The following ATRX variants were observed in gnomAD, a reference collection of about 807,000 sequenced individuals.
ATRX encodes the protein ATRX chromatin remodeler.
ATRX carries 12 observed loss-of-function variants against 172.6 expected under a neutral mutation model. The ratio of observed to expected loss-of-function variants is 0.07; its 90% CI spans 0.04 to 0.11. The LOEUF (loss-of-function observed/expected upper bound fraction) is 0.11. ATRX is among the 10% of genes least tolerant of loss of function. The pLI is 1.00. For missense variants in ATRX, 1,368 were observed against 1,767.4 expected, an observed-to-expected ratio of 0.77 and a Z score of 4.05; for synonymous variants, 674 against 594.7, an observed-to-expected ratio of 1.13 and a Z score of -1.94.
chrX:77,532,795 G>T (rs782624621), intron 30 of ATRX, among the ~76,000 whole-genome samples: 47 of 112,052 alleles, frequency 4.2e-4, no homozygotes, highest in African/African-American at 1.5e-3. Context: ...TGACAAATGG[G>T]ATCTAATTAA....
At chrX:77,693,598 C>T (rs192870173) in intron 6 of ATRX, among the ~76,000 whole-genome samples, 1 of 111,769 alleles carries the variant, frequency 8.9e-6, no homozygotes, top group Non-Finnish European at 1.9e-5. Context: ...GGAAATGCTA[C>T]GCTTCTTGAG....
At chrX:77,656,520 A>G in intron 13 of ATRX, 40 bp downstream of exon 13, 1 of 1,046,623 alleles carries the variant, frequency 9.6e-7, no homozygotes, top group Non-Finnish European at 1.3e-6. Flanking sequence ...ATGGTCATTC[A>G]GATTAATTCC....
chrX:77,732,750 A>G (rs968062364), intron 1 of ATRX, among the ~76,000 whole-genome samples: 2 of 111,928 alleles, frequency 1.8e-5, no homozygotes, highest in African/African-American at 6.5e-5. Context: ...CCTCAAAAAA[A>G]TGGGTTTAGG....
intron 1 of ATRX, among the ~76,000 whole-genome samples, chrX:77,725,013 T>G (rs1032766274): frequency 3.6e-5 from 4 of 112,053 alleles, no homozygotes; most frequent in Non-Finnish European, 7.5e-5. Flanking sequence ...TATGCTAAAC[T>G]TTTTATTAAA....
At chrX:77,633,521 T>C in intron 18 of ATRX, 45 bp downstream of exon 18, 1 of 1,165,700 alleles carries the variant, frequency 8.6e-7, no homozygotes, top group Middle Eastern at 2.4e-4. Flanking sequence ...CTATATGAAT[T>C]TCATGTGACT....
intron 1 of ATRX, among the ~76,000 whole-genome samples, chrX:77,724,513 T>A (rs782107809): frequency 6.4e-5 from 7 of 109,070 alleles, no homozygotes; most frequent in Non-Finnish European, 1.3e-4. Context: ...ATTACAGGAG[T>A]GAGCTACCGT....
At chrX:77,676,449 GA>G (rs1270005805) in intron 9 of ATRX, 151 bp from the exon 10 acceptor site, 1 of 419,930 alleles carries the variant, frequency 2.4e-6, no homozygotes, top group African/African-American at 2.5e-5. Flanking sequence ...CATTCTTATA[GA>G]AAACATAACA....
At chrX:77,784,726 G>A (rs1026885154) in intron 1 of ATRX, among the ~76,000 whole-genome samples, 1 of 112,091 alleles carries the variant, frequency 8.9e-6, no homozygotes, top group African/African-American at 3.2e-5. Context: ...CCAAGGTAAA[G>A]AAAATATAAT....
chrX:77,635,837 A>G (rs2148356524), intron 16 of ATRX, 78 bp downstream of exon 16: 2 of 939,128 alleles, frequency 2.1e-6, no homozygotes, highest in Non-Finnish European at 3.0e-6. Context: ...ACTTAGCAGG[A>G]TGTGAGGCAG....
At chrX:77,764,479 C>T (rs1397801432) in intron 1 of ATRX, among the ~76,000 whole-genome samples, 19 of 112,143 alleles carry the variant, frequency 1.7e-4, no homozygotes, top group Non-Finnish European at 3.2e-4. Flanking sequence ...ATTCTACAGT[C>T]AACTTCTAAC....
At chrX:77,508,771 G>A in intron 34 of ATRX, 142 bp from the exon 35 acceptor site, 1 of 631,446 alleles carries the variant, frequency 1.6e-6, no homozygotes, top group Non-Finnish European at 2.6e-6. Flanking sequence ...CTAATGTGAT[G>A]GCATTCACAG....
At chrX:77,751,854 G>A (rs183221742) in intron 1 of ATRX, among the ~76,000 whole-genome samples, 4 of 111,282 alleles carry the variant, frequency 3.6e-5, no homozygotes, top group East Asian at 5.7e-4. Context: ...CTGAGGCCTC[G>A]GTTCTGTTCC....
intron 12 of ATRX, among the ~76,000 whole-genome samples, chrX:77,658,570 A>G (rs188641844): frequency 8.9e-6 from 1 of 112,634 alleles, no homozygotes; most frequent in Non-Finnish European, 1.9e-5. Flanking sequence ...CATTTTATGT[A>G]AAAAGTTTGA....
chrX:77,684,843 T>A, intron 8 of ATRX, 96 bp downstream of exon 8: 1 of 847,457 alleles, frequency 1.2e-6, no homozygotes, highest in Non-Finnish European at 1.8e-6. Context: ...AAGACATCAA[T>A]GACGATACTA....
At chrX:77,626,003 G>A (rs1268865697) in intron 19 of ATRX, among the ~76,000 whole-genome samples, 2 of 82,493 alleles carry the variant, frequency 2.4e-5, no homozygotes, top group Non-Finnish European at 4.5e-5. Flanking sequence ...GCCCATCAAT[G>A]AATGAGTGGA....
chrX:77,701,251 C>T (rs1236048726), intron 2 of ATRX, among the ~76,000 whole-genome samples: 3 of 111,437 alleles, frequency 2.7e-5, no homozygotes, highest in Middle Eastern at 4.6e-3. Flanking sequence ...GTGGCTCACA[C>T]CTGTAATCCT....
At chrX:77,729,741 C>G (rs782512983) in intron 1 of ATRX, among the ~76,000 whole-genome samples, 1 of 111,125 alleles carries the variant, frequency 9.0e-6, no homozygotes, top group Non-Finnish European at 1.9e-5. Context: ...TGGAGACCAG[C>G]CTGGGCAACA....
At chrX:77,519,628 T>C (rs2063162495) in intron 34 of ATRX, among the ~76,000 whole-genome samples, 1 of 111,524 alleles carries the variant, frequency 9.0e-6, no homozygotes, top group African/African-American at 3.3e-5. Context: ...CCAGTTAAAA[T>C]GGCCTTTATC....
chrX:77,504,957 C>A lies in ATRX; in HGVS notation c.*3394G>T. The A allele has an allele frequency of 6.2e-6, 1 of 161,116 alleles. No homozygotes were observed. Among genetic ancestry groups the A allele is most frequent in the Non-Finnish European group, 1.2e-5 (1 of 82,480 alleles). The allele number at this position is 161,116 out of a possible 1,213,427, so 13.3% of individuals were successfully genotyped here. ...TGTGAAGATGAAAGCATTTCTGAAA[C>A]TTGATCACTCCTTTGGGACTGGCTC... On this transcript the variant is annotated 3_prime_UTR_variant, in exon 35 of 35. Coordinates refer to ENST00000373344, the MANE Select transcript of ATRX (RefSeq NM_000489.6).
Sources: allele counts gnomAD v4.1 joint callset (sites outside exome capture counted in the v4.1 genomes callset), GRCh38; gene constraint gnomAD v4.1.1; transcripts MANE v1.5; gene names NCBI Gene and HGNC (gene_info 2026-07-23, HGNC 2026-07-21).